TPRG1: variants seen among roughly 807,000 people sequenced by gnomAD.
TPRG1 encodes tumor protein p63-regulated gene 1 protein.
In TPRG1, 29 loss-of-function variants were observed where a neutral mutation model predicts 29.3. The ratio of observed to expected loss-of-function variants is 0.99; its 90% CI spans 0.74 to 1.35. The LOEUF (loss-of-function observed/expected upper bound fraction) is 1.35, where lower values mean the gene tolerates loss of function less well. TPRG1 is among the 40% of genes most tolerant of loss of function. TPRG1 has a pLI of 0.00. For missense variants in TPRG1, 327 were observed against 335.0 expected, an observed-to-expected ratio of 0.98 and a Z score of 0.19; for synonymous variants, 130 against 116.8, an observed-to-expected ratio of 1.11 and a Z score of -0.73.
At chr3:189,269,991 C>T (rs143204876) in intron 4 of TPRG1, among the ~76,000 whole-genome samples, 8 of 151,958 alleles carry the variant, frequency 5.3e-5, no homozygotes, top group African/African-American at 1.9e-4. Flanking sequence ...GGCTCCCTGA[C>T]GTTGGCTATC....
chr3:189,308,276 C>T (rs981563454), intron 4 of TPRG1, among the ~76,000 whole-genome samples: 2 of 152,194 alleles, frequency 1.3e-5, no homozygotes, highest in African/African-American at 4.8e-5. Flanking sequence ...ACAGGACTCC[C>T]GGACATCCAG....
intron 3 of TPRG1, among the ~76,000 whole-genome samples, chr3:189,133,972 G>A (rs1412941671): frequency 1.3e-5 from 2 of 152,238 alleles, no homozygotes; most frequent in African/African-American, 4.8e-5. Flanking sequence ...CTTCATAGAA[G>A]TGTGGAGGCA....
At chr3:189,195,432 CT>C (rs1283411019) in intron 1 of TPRG1, among the ~76,000 whole-genome samples, 1 of 152,076 alleles carries the variant, frequency 6.6e-6, no homozygotes, top group Non-Finnish European at 1.5e-5. Flanking sequence ...CTGATTGTGG[CT>C]TGGCTTGAGG....
chr3:189,316,555 T>A (rs1723556110), intron 5 of TPRG1, among the ~76,000 whole-genome samples: 2 of 152,122 alleles, frequency 1.3e-5, no homozygotes, highest in African/African-American at 4.8e-5. Flanking sequence ...AAACTGAGAC[T>A]CCAGGCAATG....
Position 189,301,072 on chromosome 3 carries a change from C to T in TPRG1, c.480-9314C>T, listed in dbSNP as rs574368745. 2.6e-4 allele frequency among the ~76,000 whole-genome samples: 39 copies of T among 151,906 alleles called. No individual in the cohort carries two copies. In the South Asian group the frequency reaches 7.1e-3, roughly 28 times the overall value. On this transcript the variant is annotated intron_variant, in intron 4 of 5. Transcript: ENST00000345063. ...CAGCACTTTGGGAGGCTGAGGCAGG[C>T]GGATCATGAGGTTGGGAGATCGAGA...
At chr3:189,309,569 A>G (rs938372649) in intron 4 of TPRG1, among the ~76,000 whole-genome samples, 2 of 152,196 alleles carry the variant, frequency 1.3e-5, no homozygotes, top group Non-Finnish European at 2.9e-5. Flanking sequence ...ACCACAAATC[A>G]TAAATTCTGA....
At chr3:189,181,955 A>G (rs538891475) in intron 1 of TPRG1, among the ~76,000 whole-genome samples, 2 of 152,332 alleles carry the variant, frequency 1.3e-5, no homozygotes, top group Non-Finnish European at 2.9e-5. Flanking sequence ...GGAGCAAGTC[A>G]TGTCTTACAT....
At chr3:189,113,127 T>C (rs925016235) in intron 1 of TPRG1, among the ~76,000 whole-genome samples, 4 of 152,182 alleles carry the variant, frequency 2.6e-5, no homozygotes, top group Non-Finnish European at 5.9e-5. Context: ...TATTTTATTC[T>C]CTTTGAAGCA....
intron 4 of TPRG1, among the ~76,000 whole-genome samples, chr3:189,149,064 A>G (rs191524015): frequency 6.6e-6 from 1 of 152,276 alleles, no homozygotes; most frequent in African/African-American, 2.4e-5. Flanking sequence ...GTATCCATAA[A>G]GTAGGTTCTA....
intron 4 of TPRG1, among the ~76,000 whole-genome samples, chr3:189,025,562 GATGT>G (rs1251890329): frequency 2.6e-5 from 4 of 152,170 alleles, no homozygotes; most frequent in African/African-American, 9.7e-5. Flanking sequence ...CTGGCTTGTG[GATGT>G]ATCTTCTCAA....
At chr3:189,150,727 A>G (rs1725839442) in exon 5 of TPRG1, 1 of 152,208 alleles carries the variant, frequency 6.6e-6, no homozygotes, top group Non-Finnish European at 1.5e-5. Flanking sequence ...CCAGATGGTC[A>G]CATTGATTTT....
chr3:189,175,019 A>G (rs190400910), intron 1 of TPRG1, among the ~76,000 whole-genome samples: 1 of 152,274 alleles, frequency 6.6e-6, no homozygotes, highest in East Asian at 1.9e-4. Flanking sequence ...TCACCTTTTG[A>G]TCACCTATGG....
intron 4 of TPRG1, among the ~76,000 whole-genome samples, chr3:189,069,526 T>C (rs778070466): frequency 4.0e-5 from 6 of 151,774 alleles, no homozygotes; most frequent in Admixed American, 6.5e-5. Context: ...ACATGGTATT[T>C]ATCTATATTA....
intron 4 of TPRG1, among the ~76,000 whole-genome samples, chr3:189,037,634 A>G (rs982038089): frequency 1.1e-4 from 17 of 151,872 alleles, no homozygotes; most frequent in South Asian, 2.1e-4. Flanking sequence ...AATATAATGA[A>G]ACAAGAAATA....
intron 4 of TPRG1, among the ~76,000 whole-genome samples, chr3:189,244,557 G>A (rs190548230): frequency 6.6e-6 from 1 of 152,246 alleles, no homozygotes; most frequent in East Asian, 1.9e-4. Context: ...CACATGGTAG[G>A]AGCAGGAGCA....
chr3:189,306,144 A>G (rs1319487238), intron 4 of TPRG1, among the ~76,000 whole-genome samples: 1 of 152,168 alleles, frequency 6.6e-6, no homozygotes, highest in African/African-American at 2.4e-5. Flanking sequence ...TATACCCTGC[A>G]TAGAGAATGT....
intron 1 of TPRG1, among the ~76,000 whole-genome samples, chr3:189,182,212 A>T (rs150407280): frequency 1.1e-3 from 172 of 152,336 alleles, no homozygotes; most frequent in African/African-American, 4.0e-3. Flanking sequence ...TTAGGAATTC[A>T]TAAGCTTGCA....
intron 1 of TPRG1, among the ~76,000 whole-genome samples, chr3:189,175,758 T>G (rs9851297): frequency 6.6e-6 from 1 of 152,080 alleles, no homozygotes; most frequent in Non-Finnish European, 1.5e-5. Flanking sequence ...TTTTAAAATA[T>G]GTTAAGCAAC....
chr3:189,109,728 A>G (rs886406763), intron 1 of TPRG1, among the ~76,000 whole-genome samples: 1 of 152,184 alleles, frequency 6.6e-6, no homozygotes, highest in Non-Finnish European at 1.5e-5. Context: ...CCCTTTTAGT[A>G]CACAATTCTA....
Sources: gnomAD v4.1 joint callset for allele counts (sites outside exome capture counted in the v4.1 genomes callset) on GRCh38, gnomAD v4.1.1 for gene constraint, MANE v1.5 for transcripts, NCBI Gene and HGNC (gene_info 2026-07-23, HGNC 2026-07-21) for gene names.